OPCML: variants seen among roughly 807,000 people sequenced by gnomAD.
OPCML encodes the protein opioid binding protein/cell adhesion molecule like, also known as opioid-binding protein/cell adhesion molecule.
In OPCML, 13 loss-of-function variants were observed where a neutral mutation model predicts 37.8. The observed-to-expected ratio is 0.34, with a 90% CI of 0.22 to 0.55. The LOEUF (loss-of-function observed/expected upper bound fraction) is 0.55, where lower values mean the gene tolerates loss of function less well. Among genes scored for constraint, OPCML ranks in the 20% least tolerant of loss-of-function variants. The pLI is 0.91. For missense variants in OPCML, 341 were observed against 435.6 expected, an observed-to-expected ratio of 0.78 and a Z score of 1.93; for synonymous variants, 176 against 168.8, an observed-to-expected ratio of 1.04 and a Z score of -0.33.
chr11:133,244,912 G>T (rs145432292), intron 1 of OPCML, among the ~76,000 whole-genome samples: 28 of 152,322 alleles, frequency 1.8e-4, no homozygotes, highest in South Asian at 1.4e-3. Context: ...GCCTGAGAAG[G>T]TCTGAGGGGG....
intron 1 of OPCML, among the ~76,000 whole-genome samples, chr11:133,172,873 C>T (rs181565486): frequency 6.3e-4 from 96 of 152,156 alleles, no homozygotes; most frequent in African/African-American, 2.1e-3. Context: ...ATATTAAATA[C>T]GTTATCTCAT....
intron 4 of OPCML, among the ~76,000 whole-genome samples, chr11:132,516,772 C>T (rs547278929): frequency 6.6e-5 from 10 of 152,148 alleles, no homozygotes; most frequent in South Asian, 4.1e-4. Flanking sequence ...GGTAGGCATG[C>T]GTGCATTAAA....
chr11:133,389,503 T>C (rs1030403572), intron 1 of OPCML, among the ~76,000 whole-genome samples: 1 of 152,252 alleles, frequency 6.6e-6, no homozygotes, highest in Non-Finnish European at 1.5e-5. Context: ...GTGAGATTTT[T>C]ATTAAAATAA....
rs751836718 is a variant in OPCML at position 132,437,379 on chromosome 11, C to A, written c.506-20G>T. 1 of 1,612,738 alleles carries A rather than the reference C, an allele frequency of 6.2e-7. No homozygotes were observed. Among genetic ancestry groups the A allele is most frequent in the Admixed American group, 1.7e-5 (1 of 59,786 alleles). ...GGCCTTCTGGGAAGAAAGAAGCAGA[C>A]AGGAAACAATCAGGAAACTGTGTAA... On this transcript the variant is annotated intron_variant, in intron 4 of 7. Transcript: ENST00000524381.
At chr11:132,532,639 T>A (rs1176834402) in intron 3 of OPCML, among the ~76,000 whole-genome samples, 1 of 152,114 alleles carries the variant, frequency 6.6e-6, no homozygotes, top group East Asian at 1.9e-4. Context: ...ACACAGTATT[T>A]CCATCCAGAA....
intron 2 of OPCML, among the ~76,000 whole-genome samples, chr11:132,801,992 C>T (rs953710173): frequency 1.3e-5 from 2 of 152,096 alleles, no homozygotes; most frequent in African/African-American, 4.8e-5. Flanking sequence ...ATTGTCATCT[C>T]CCCCCACCAC....
chr11:133,531,159 C>T (rs1327537340), intron 1 of OPCML, among the ~76,000 whole-genome samples: 13 of 152,202 alleles, frequency 8.5e-5, no homozygotes, highest in Non-Finnish European at 7.3e-5. Context: ...TGCCTAAAAC[C>T]TTGGCAAGCA....
In OPCML at chr11:133,208,780, AG is replaced by A. The variant is rs1209023477; in HGVS notation, c.62-265771del. On this transcript the variant is annotated intron_variant, in intron 1 of 7. Transcript: ENST00000524381. This position sits in a 1 kb window ranked among gnomAD's most constrained non-coding sequence, Gnocchi z 8.9. ...AGCAATGGCCCTTCTCTAGGACCAA[AG>A]GGATACACCAAGTGCTGGAGTGAAG... 6.6e-6 allele frequency among the ~76,000 whole-genome samples: 1 copy of A among 152,172 alleles called. No homozygotes were observed. Among genetic ancestry groups the A allele is most frequent in the Admixed American group, 6.5e-5 (1 of 15,282 alleles).
At chr11:132,593,475 C>A (rs532286809) in intron 3 of OPCML, among the ~76,000 whole-genome samples, 1 of 152,020 alleles carries the variant, frequency 6.6e-6, no homozygotes. Context: ...AATTTAACTG[C>A]GAAATAATTA....
chr11:132,615,930 T>C (rs1938979419), intron 3 of OPCML, among the ~76,000 whole-genome samples: 1 of 152,186 alleles, frequency 6.6e-6, no homozygotes, highest in Non-Finnish European at 1.5e-5. Context: ...AAGCCACAAT[T>C]GCGAGATGCA....
chr11:132,802,591 A>G (rs1463492536), intron 2 of OPCML, among the ~76,000 whole-genome samples: 1 of 150,810 alleles, frequency 6.6e-6, no homozygotes, highest in Admixed American at 6.7e-5. Flanking sequence ...AATTCTGAAC[A>G]TAACAAATAC....
intron 1 of OPCML, among the ~76,000 whole-genome samples, chr11:133,406,058 AC>A (rs1213723244): frequency 2.0e-5 from 3 of 152,052 alleles, no homozygotes; most frequent in Admixed American, 2.0e-4. Context: ...CTGGGTACGG[AC>A]TGTGTCTAAT....
At chr11:132,835,871 A>G (rs1195399984) in intron 2 of OPCML, among the ~76,000 whole-genome samples, 1 of 152,226 alleles carries the variant, frequency 6.6e-6, no homozygotes, top group African/African-American at 2.4e-5. Context: ...ATCGTCCTGT[A>G]TCACTTTCTC....
intron 3 of OPCML, among the ~76,000 whole-genome samples, chr11:132,584,422 A>G (rs1451106699): frequency 6.6e-6 from 1 of 152,250 alleles, no homozygotes. Flanking sequence ...TTGAAGGTCA[A>G]TTATTCCTTC....
chr11:133,051,216 T>C (rs1948125520), intron 1 of OPCML, among the ~76,000 whole-genome samples: 1 of 152,196 alleles, frequency 6.6e-6, no homozygotes, highest in African/African-American at 2.4e-5. Context: ...CACATATTGA[T>C]TTCTCTGTGC....
At chr11:133,320,530 A>G (rs991013109) in intron 1 of OPCML, among the ~76,000 whole-genome samples, 3 of 152,072 alleles carry the variant, frequency 2.0e-5, no homozygotes, top group African/African-American at 7.3e-5. Context: ...AGAGTGCTCA[A>G]AACAGCATAA....
chr11:132,600,106 T>A (rs2137770081), intron 3 of OPCML, among the ~76,000 whole-genome samples: 1 of 152,302 alleles, frequency 6.6e-6, no homozygotes, highest in South Asian at 2.1e-4. Context: ...TCTGAGCTGC[T>A]TGGTCCATGT....
intron 3 of OPCML, among the ~76,000 whole-genome samples, chr11:132,615,694 T>C (rs1034051229): frequency 8.5e-5 from 13 of 152,146 alleles, no homozygotes; most frequent in Non-Finnish European, 1.5e-4. Flanking sequence ...CTGATTTTGG[T>C]GTCTGTTGGG....
Position 133,530,145 on chromosome 11 carries a change from G to A in OPCML, c.61+2119C>T, listed in dbSNP as rs566536320. Among the ~76,000 whole-genome samples, 709 of 152,296 alleles carry A rather than the reference G, an allele frequency of 4.7e-3. 2 individuals are homozygous for A. Among genetic ancestry groups the A allele is most frequent in the Middle Eastern group, 0.02 (6 of 294 alleles). ...GTCGTTCATCCACCATGCTCAGGAC[G>A]GTCAGGCAGGGGTGCAGGTTCATCC... On this transcript the variant is annotated intron_variant, in intron 1 of 7. Coordinates refer to ENST00000524381, the MANE Select transcript of OPCML (RefSeq NM_001012393.5).
Sources: gnomAD v4.1 joint callset for allele counts (sites outside exome capture counted in the v4.1 genomes callset) on GRCh38, gnomAD v4.1.1 for gene constraint, Gnocchi (gnomAD v3.1) non-coding constraint, MANE v1.5 for transcripts, NCBI Gene and HGNC (gene_info 2026-07-23, HGNC 2026-07-21) for gene names.